The following BARD1 variants were observed in gnomAD, a reference collection of about 807,000 sequenced individuals.
BARD1 encodes BRCA1-associated RING domain protein 1.
In BARD1, 73 loss-of-function variants were observed where a neutral mutation model predicts 77.0. That is an observed-to-expected ratio of 0.95 (90% CI 0.79 to 1.15). The LOEUF is 1.15. Ranked by LOEUF, BARD1 falls within the 50% of genes most tolerant of loss-of-function variation. BARD1 has a pLI of 0.00. For missense variants in BARD1, 993 were observed against 938.8 expected, an observed-to-expected ratio of 1.06 and a Z score of -0.75; for synonymous variants, 384 against 338.0, an observed-to-expected ratio of 1.14 and a Z score of -1.49.
chr2:214,807,437 G>C (rs1053899965), intron 1 of BARD1, among the ~76,000 whole-genome samples: 5 of 152,030 alleles, frequency 3.3e-5, no homozygotes, highest in Admixed American at 6.6e-5. Context: ...TATCTATTTT[G>C]TCTCTCCCAA....
intron 8 of BARD1, 95 bp from the exon 9 acceptor site, chr2:214,745,254 A>G (rs564702813): frequency 9.0e-7 from 1 of 1,114,478 alleles, no homozygotes; most frequent in East Asian, 2.5e-5. Flanking sequence ...TTGTAAGCTT[A>G]TATCTGAATC....
intron 3 of BARD1, among the ~76,000 whole-genome samples, 164 bp downstream of exon 3, chr2:214,792,133 G>A (rs1363604048): frequency 3.5e-5 from 5 of 144,364 alleles, no homozygotes; most frequent in Admixed American, 7.0e-5. Flanking sequence ...ACAACATAGA[G>A]AGACTCAATG....
At chr2:214,805,750 T>C (rs1190037123) in intron 1 of BARD1, among the ~76,000 whole-genome samples, 1 of 151,354 alleles carries the variant, frequency 6.6e-6, no homozygotes, top group Non-Finnish European at 1.5e-5. Flanking sequence ...CTTGATCATC[T>C]CCTAAACAAG....
chr2:214,784,261 CCAA>C (rs147923087), intron 3 of BARD1, among the ~76,000 whole-genome samples: 24,477 of 151,970 alleles, frequency 0.16, 2,410 homozygotes, highest in South Asian at 0.23. Flanking sequence ...ATTTATGTGG[CCAA>C]CAAACACGAA....
chr2:214,729,858 C>A (rs1053498717), intron 10 of BARD1, among the ~76,000 whole-genome samples: 3 of 152,122 alleles, frequency 2.0e-5, no homozygotes, highest in Non-Finnish European at 2.9e-5. Flanking sequence ...AGGGCAGCCA[C>A]CATGGGGGTG....
chr2:214,743,149 A>G (rs1240092203), intron 9 of BARD1, among the ~76,000 whole-genome samples: 1 of 152,210 alleles, frequency 6.6e-6, no homozygotes, highest in Non-Finnish European at 1.5e-5. Flanking sequence ...ATCAGACTGC[A>G]TTGGTTGAGA....
intron 3 of BARD1, among the ~76,000 whole-genome samples, chr2:214,790,153 T>G (rs1484236808): frequency 6.6e-6 from 1 of 152,154 alleles, no homozygotes; most frequent in African/African-American, 2.4e-5. Context: ...CTTACTCTTT[T>G]TTGCACCCCT....
At chr2:214,779,627 C>A (rs1003592678) in intron 4 of BARD1, among the ~76,000 whole-genome samples, 5 of 152,194 alleles carry the variant, frequency 3.3e-5, no homozygotes, top group African/African-American at 9.7e-5. Flanking sequence ...TCAATGTCTA[C>A]TCCATGTTCT....
chr2:214,779,294 C>T (rs1574813363), intron 4 of BARD1, among the ~76,000 whole-genome samples: 2 of 152,164 alleles, frequency 1.3e-5, no homozygotes, highest in East Asian at 3.8e-4. Flanking sequence ...AAATAACCTA[C>T]AGAGATCCTC....
chr2:214,730,596 T>C (rs916559975), intron 9 of BARD1, 88 bp from the exon 10 acceptor site: 19 of 1,092,618 alleles, frequency 1.7e-5, no homozygotes, highest in Admixed American at 3.6e-5. Context: ...ACCTAAGTGG[T>C]TTTTCTTCTT....
chr2:214,751,500 T>C (rs771057831), intron 7 of BARD1, among the ~76,000 whole-genome samples: 6 of 151,964 alleles, frequency 3.9e-5, no homozygotes, highest in Admixed American at 6.6e-5. Flanking sequence ...CTGTAGTTTC[T>C]ACTTACTTTG....
intron 6 of BARD1, among the ~76,000 whole-genome samples, chr2:214,763,653 A>G (rs4673893): frequency 0.3 from 45,055 of 151,910 alleles, 7,136 homozygotes; most frequent in South Asian, 0.4. Context: ...CCCTTCTTCC[A>G]TGGGAAGAGT....
intron 3 of BARD1, among the ~76,000 whole-genome samples, chr2:214,789,250 C>T (rs1695411356): frequency 6.6e-6 from 1 of 151,746 alleles, no homozygotes. Context: ...TTAATTAGGT[C>T]AGGCACAATT....
intron 1 of BARD1, among the ~76,000 whole-genome samples, chr2:214,802,621 G>A (rs1265610568): frequency 6.6e-6 from 1 of 152,138 alleles, no homozygotes; most frequent in Non-Finnish European, 1.5e-5. Flanking sequence ...CATGGTGCTA[G>A]ATTAACTGCA....
intron 7 of BARD1, among the ~76,000 whole-genome samples, chr2:214,749,504 C>T (rs2888294): frequency 6.6e-6 from 1 of 151,880 alleles, no homozygotes; most frequent in African/African-American, 2.4e-5. Context: ...TAATAAAAAC[C>T]CTCCTTTTCT....
At chr2:214,768,415 C>T (rs1694316593) in intron 5 of BARD1, among the ~76,000 whole-genome samples, 3 of 151,532 alleles carry the variant, frequency 2.0e-5, no homozygotes. Context: ...ATCTTTACTA[C>T]AACTTGCCTT....
chr2:214,730,186 T>C (rs1228881918), intron 10 of BARD1: 8 of 551,938 alleles, frequency 1.4e-5, no homozygotes, highest in African/African-American at 5.7e-5. Context: ...GAAAGGTTTA[T>C]GGCAATGTTC....
intron 9 of BARD1, among the ~76,000 whole-genome samples, chr2:214,731,702 T>C (rs1295645932): frequency 1.3e-5 from 2 of 152,226 alleles, no homozygotes; most frequent in Admixed American, 6.5e-5. Context: ...TTTGAGGTTG[T>C]TTTGCTCAAT....
At position 214,727,985 on chromosome 2, in the gene BARD1, A is replaced by G. The variant is rs1692152785; in HGVS notation, c.*691T>C. On this transcript the variant is annotated 3_prime_UTR_variant, in exon 11 of 11. Transcript: ENST00000260947. ...AACAGAGTTACAAATTGATAGTTAC[A>G]AGCAAATGTACAGAATAAAAATATG... 1 of 216,886 alleles carries G rather than the reference A, an allele frequency of 4.6e-6. No homozygotes were observed. Among genetic ancestry groups the G allele is most frequent in the African/African-American group, 2.2e-5 (1 of 44,502 alleles). The allele number at this position is 216,886 out of a possible 1,614,324, so 13.4% of individuals were successfully genotyped here. A position where few individuals can be genotyped will look rare whatever the true frequency, so the allele number is the denominator to read the frequency against.
Sources: allele counts gnomAD v4.1 joint callset (sites outside exome capture counted in the v4.1 genomes callset), GRCh38; gene constraint gnomAD v4.1.1; transcripts MANE v1.5; gene names NCBI Gene and HGNC (gene_info 2026-07-23, HGNC 2026-07-21).